Variants in GUCY1B1 observed in about 807,000 individuals in gnomAD.
GUCY1B1 encodes the protein guanylate cyclase 1 soluble subunit beta 1, also known as guanylate cyclase soluble subunit beta-1.
In GUCY1B1, 43 loss-of-function variants were observed where a neutral mutation model predicts 71.0. That is an observed-to-expected ratio of 0.61 (90% CI 0.47 to 0.78). The LOEUF is 0.78. Ranked by LOEUF, GUCY1B1 falls within the 30% of genes least tolerant of loss-of-function variation. The pLI is 0.00. For missense variants in GUCY1B1, 535 were observed against 754.1 expected, an observed-to-expected ratio of 0.71 and a Z score of 3.40; for synonymous variants, 266 against 259.7, an observed-to-expected ratio of 1.02 and a Z score of -0.23.
chr4:155,804,669 G>A lies in GUCY1B1; in HGVS notation c.1631G>A (p.Gly544Glu). 6 of 1,613,036 alleles carry A rather than the reference G, an allele frequency of 3.7e-6. No homozygotes were observed. Among genetic ancestry groups the A allele is most frequent in the South Asian group, 1.1e-5 (1 of 91,064 alleles). ...GQRMPRYCLF[G>E]NTVNLTSRTE... Reference sequence around the variant, plus strand: ...CGGATGCCTCGATACTGTCTTTTTGGGAATACTGTCAACCTCACAAGCCGA... The same window carrying A: ...CGGATGCCTCGATACTGTCTTTTTGAGAATACTGTCAACCTCACAAGCCGA... The change falls in exon 12 of 14, where the codon GGG becomes GAG. Residue 544 changes from glycine (G) to glutamate (E), a missense_variant. By Grantham distance (98) the Gly-to-Glu change is moderately conservative. Transcript: ENST00000264424.
Position 155,804,726 on chromosome 4 carries a change from A to G in GUCY1B1, c.1688A>G (p.Asn563Ser). The G allele has an allele frequency of 6.2e-7, 1 of 1,612,976 alleles. No individual in the cohort carries two copies. Among genetic ancestry groups the G allele is most frequent in the African/African-American group, 1.3e-5 (1 of 74,988 alleles). ...ACCACAGGAGAAAAGGGAAAAATAA[A>G]TGTGTCTGAATATACATACAGGTGA... ...TETTGEKGKI[N>S]VSEYTYRCLM... is the part of the protein sequence containing the mutation. The change falls in exon 12 of 14, where the codon AAT (asparagine) becomes AGT (serine). Residue 563 changes from asparagine to serine, a missense_variant. Physicochemically the swap from Asn to Ser is conservative, Grantham distance 46. Transcript: ENST00000264424.
In GUCY1B1 at chr4:155,788,943, G is replaced by A. The variant is rs184162542; in HGVS notation, c.298-771G>A. On this transcript the variant is annotated intron_variant, in intron 4 of 13. Transcript: ENST00000264424. Reference sequence around the variant, plus strand: ...CCACATAAAATGTATAGCTTACACCGTTTCTTCTAGTACTCTTTACACCAA... The same window carrying A: ...CCACATAAAATGTATAGCTTACACCATTTCTTCTAGTACTCTTTACACCAA... Among the ~76,000 whole-genome samples the A allele has an allele frequency of 2.4e-4, 37 of 152,188 alleles. 1 individual carries two copies. In the East Asian group the frequency reaches 4.8e-3, roughly 20 times the overall value.
rs1739848013 is a variant in GUCY1B1, at chr4:155,800,172, G to A, written c.1175+98G>A. The A allele has an allele frequency of 4.4e-6, 3 of 687,572 alleles. No individual in the cohort carries two copies. The East Asian group carries it at 8.4e-5, about 19-fold the overall frequency. The allele number at this position is 687,572 out of a possible 1,614,324, so 42.6% of individuals were successfully genotyped here. A position where few individuals can be genotyped will look rare whatever the true frequency, so the allele number is the denominator to read the frequency against. On this transcript the variant is annotated intron_variant, in intron 9 of 13. Coordinates refer to ENST00000264424, the MANE Select transcript of GUCY1B1 (RefSeq NM_000857.5). ...ACCAGACTAAAAAGCCATGTGACCT[G>A]TAATAGCTCTGGTGTAGTAAATAAA...
chr4:155,759,701 T>A, intron 1 of GUCY1B1, 86 bp from the exon 2 acceptor site: 1 of 924,274 alleles, frequency 1.1e-6, no homozygotes, highest in South Asian at 1.4e-5. Flanking sequence ...GCCAGCGCCA[T>A]GGGAGCAGAG....
intron 8 of GUCY1B1, among the ~76,000 whole-genome samples, chr4:155,798,852 G>GTTC (rs1290451329): frequency 3.3e-5 from 5 of 151,828 alleles, no homozygotes; most frequent in African/African-American, 1.2e-4. Flanking sequence ...TGTTGTTGTT[G>GTTC]TTTGAGATGG....
At chr4:155,790,317 G>A (rs1028649198) in intron 5 of GUCY1B1, among the ~76,000 whole-genome samples, 5 of 152,122 alleles carry the variant, frequency 3.3e-5, no homozygotes, top group East Asian at 1.9e-4. Context: ...TCTCTTTGTC[G>A]ATTTTTGTCT....
rs374625742 is a variant in GUCY1B1 at position 155,795,464 on chromosome 4, A to G, written c.843+7A>G. 6.9e-5 allele frequency: 87 copies of G among 1,253,566 alleles called. No individual in the cohort carries two copies. The highest frequency in any genetic ancestry group is 9.5e-5 in the Non-Finnish European group (81 of 856,496). The allele number at this position is 1,253,566 out of a possible 1,614,324, so 77.7% of individuals were successfully genotyped here. A position where few individuals can be genotyped will look rare whatever the true frequency, so the allele number is the denominator to read the frequency against. ...TTTTGTATTGAGAAGCAAGGTAATCAAGATATTATTTCATTAAATGTGAGA... is the reference window on the plus strand; with the variant it reads ...TTTTGTATTGAGAAGCAAGGTAATCGAGATATTATTTCATTAAATGTGAGA... On this transcript the variant is annotated splice_region_variant and intron_variant, in intron 7 of 13. Transcript: ENST00000264424.
At chr4:155,804,867 G>T in intron 12 of GUCY1B1, 120 bp downstream of exon 12, 1 of 863,924 alleles carries the variant, frequency 1.2e-6, no homozygotes, top group Non-Finnish European at 1.8e-6. Flanking sequence ...CTTCCCCACT[G>T]CTTGTAGAGT....
At chr4:155,768,362 T>G (rs1737477036) in intron 2 of GUCY1B1, among the ~76,000 whole-genome samples, 2 of 152,084 alleles carry the variant, frequency 1.3e-5, no homozygotes, top group African/African-American at 4.8e-5. Context: ...TTGGACAAAT[T>G]GTATACCTAG....
intron 2 of GUCY1B1, among the ~76,000 whole-genome samples, chr4:155,762,642 C>T (rs960907171): frequency 6.6e-6 from 1 of 152,108 alleles, no homozygotes; most frequent in Non-Finnish European, 1.5e-5. Context: ...GCTTTGAATT[C>T]CTCTTAAGAA....
intron 3 of GUCY1B1, among the ~76,000 whole-genome samples, chr4:155,775,742 CA>C (rs2111034113): frequency 6.6e-6 from 1 of 152,274 alleles, no homozygotes; most frequent in South Asian, 2.1e-4. Context: ...TTTGTAGTCA[CA>C]AGTTATATTA....
chr4:155,799,514 A>G (rs1370391955), intron 8 of GUCY1B1, among the ~76,000 whole-genome samples: 2 of 152,318 alleles, frequency 1.3e-5, no homozygotes, highest in East Asian at 3.9e-4. Context: ...GAGAATAAAG[A>G]TAGATTTTTT....
Position 155,807,199 on chromosome 4 carries a change from C to G in GUCY1B1, c.*790C>G, listed in dbSNP as rs1480984207. The G allele has an allele frequency of 6.6e-6, 1 of 152,172 alleles. No individual in the cohort carries two copies. The highest frequency in any genetic ancestry group is 2.1e-4 in the South Asian group (1 of 4,830). 9.4% of individuals were successfully genotyped at this position (152,172 alleles called of 1,614,324 possible). On this transcript the variant is annotated 3_prime_UTR_variant, in exon 14 of 14. Transcript: ENST00000264424. ...TTCACATTGAGCTGTTACATTAGTT[C>G]AGGCTAAATGTTGGGAGCTCCAACC...
At chr4:155,766,249 T>C (rs941843613) in intron 2 of GUCY1B1, among the ~76,000 whole-genome samples, 5 of 152,206 alleles carry the variant, frequency 3.3e-5, no homozygotes, top group Non-Finnish European at 7.3e-5. Flanking sequence ...AACTACTATT[T>C]AAATATAAGC....
chr4:155,790,329 C>G (rs567665082), intron 5 of GUCY1B1, among the ~76,000 whole-genome samples: 223 of 152,190 alleles, frequency 1.5e-3, no homozygotes, highest in African/African-American at 5.1e-3. Flanking sequence ...TTTTTGTCTG[C>G]CCCGAAATAT....
chr4:155,791,285 T>G (rs1399327068), intron 5 of GUCY1B1, among the ~76,000 whole-genome samples: 1 of 151,314 alleles, frequency 6.6e-6, no homozygotes, highest in Non-Finnish European at 1.5e-5. Flanking sequence ...CGGCTAATTT[T>G]TTTGTATTTT....
intron 2 of GUCY1B1, among the ~76,000 whole-genome samples, chr4:155,762,018 T>TA (rs1302906925): frequency 6.6e-6 from 1 of 152,236 alleles, no homozygotes; most frequent in Non-Finnish European, 1.5e-5. Context: ...GGGTGTGGTT[T>TA]AGTGTCTGGG....
chr4:155,802,938 A>T lies in GUCY1B1; in HGVS notation c.1413+359A>T, dbSNP rs890511130. Among the ~76,000 whole-genome samples, 13 of 152,340 alleles carry T rather than the reference A, an allele frequency of 8.5e-5. No individual in the cohort carries two copies. The highest frequency in any genetic ancestry group is 2.2e-4 in the African/African-American group (9 of 41,588). On this transcript the variant is annotated intron_variant, in intron 10 of 13. Coordinates refer to ENST00000264424, the MANE Select transcript of GUCY1B1 (RefSeq NM_000857.5). The surrounding 1 kb of genome is among the most constrained non-coding windows in gnomAD (Gnocchi z 4.3). ...AGAGACATTTTTACTGAGATATATA[A>T]ATGCTTTGTACAGTAAAGAAGTCAT...
chr4:155,777,490 A>G lies in GUCY1B1; in HGVS notation c.179-34A>G. ...CTATTAACAATATTTCACCTATTATATGCTTTTTTTCCCCTCTTGAATTTG... is the reference window on the plus strand; with the variant it reads ...CTATTAACAATATTTCACCTATTATGTGCTTTTTTTCCCCTCTTGAATTTG... On this transcript the variant is annotated intron_variant, in intron 3 of 13. Transcript: ENST00000264424. The G allele has an allele frequency of 2.9e-6, 3 of 1,038,058 alleles. No homozygotes were observed. In the South Asian group the frequency reaches 3.8e-5, roughly 13 times the overall value. 64.3% of individuals were successfully genotyped at this position (1,038,058 alleles called of 1,614,324 possible).
Sources: gnomAD v4.1 joint callset for allele counts (sites outside exome capture counted in the v4.1 genomes callset) on GRCh38, gnomAD v4.1.1 for gene constraint, Gnocchi (gnomAD v3.1) non-coding constraint, MANE v1.5 for transcripts, NCBI Gene and HGNC (gene_info 2026-07-23, HGNC 2026-07-21) for gene names.